POLR2B: variants seen among roughly 807,000 people sequenced by gnomAD.
The protein encoded by POLR2B is RNA polymerase II subunit B, also known as DNA-directed RNA polymerase II subunit RPB2.
A neutral mutation model predicts 144.6 loss-of-function variants in POLR2B; 57 were observed. The ratio of observed to expected loss-of-function variants is 0.39; its 90% confidence interval spans 0.32 to 0.49. POLR2B has a LOEUF of 0.49. Among genes scored for constraint, POLR2B ranks in the 20% least tolerant of loss-of-function variants. POLR2B has a pLI of 0.83. For synonymous variants in POLR2B, 442 were observed against 469.8 expected (o/e 0.94, Z 0.77); for missense variants, 595 against 1,467.4 (o/e 0.41, Z 9.71).
chr4:56,988,968 ATTAT>A (rs1455640154), intron 2 of POLR2B, among the ~76,000 whole-genome samples: 2 of 152,222 alleles, frequency 1.3e-5, no homozygotes, highest in Middle Eastern at 3.2e-3. Context: ...TACAAAATAA[ATTAT>A]TTGATTTTTA....
At chr4:57,029,386 CTTTT>C (rs1454986418) in intron 23 of POLR2B, among the ~76,000 whole-genome samples, 1 of 152,118 alleles carries the variant, frequency 6.6e-6, no homozygotes, top group African/African-American at 2.4e-5. Flanking sequence ...GCTTGATTCT[CTTTT>C]TTTATTTACC....
Position 57,023,338 on chromosome 4 carries a change from C to T in POLR2B, c.2524C>T (p.His842Tyr). ...PTRETCQGMR[H>Y]AIYDKLDDDG... ...TGTCTATTTCCTCACAGGCATGAGG[C>T]ATGCCATTTACGACAAGCTGGATGA... The change falls in exon 19 of 25, where the codon CAT becomes TAT. Residue 842 changes from histidine to tyrosine, a missense_variant. His to Tyr is a moderately conservative substitution (Grantham distance 83). Transcript: ENST00000314595. This position sits in a 1 kb window ranked among gnomAD's most constrained non-coding sequence, Gnocchi z 4.3. 1 of 1,613,914 alleles carries T rather than the reference C, an allele frequency of 6.2e-7. No homozygotes were observed. Among genetic ancestry groups the T allele is most frequent in the Non-Finnish European group, 8.5e-7 (1 of 1,179,854 alleles).
chr4:56,979,896 C>CAAA lies in POLR2B; in HGVS notation c.19+908_19+910dup, dbSNP rs61576956. Among the ~76,000 whole-genome samples, 216 of 137,208 alleles carry CAAA rather than the reference C, an allele frequency of 1.6e-3. 7 individuals are homozygous for CAAA. The South Asian group carries it at 0.022, about 14-fold the overall frequency. The allele number at this position is 137,208 out of a possible 152,430, so 90.0% of individuals were successfully genotyped here. On this transcript the variant is annotated intron_variant, in intron 1 of 24. Transcript: ENST00000314595. ...CCTGAGTGACAGAGTTAGACTGTCTCAAAAAAAAAAAAAAAAAATTCTTAG... is the reference window on the plus strand; with the variant it reads ...CCTGAGTGACAGAGTTAGACTGTCTCAAAAAAAAAAAAAAAAAAAAATTCTTAG...
At chr4:56,988,713 T>C (rs530732397) in intron 2 of POLR2B, among the ~76,000 whole-genome samples, 74 of 152,334 alleles carry the variant, frequency 4.9e-4, no homozygotes, top group Middle Eastern at 6.8e-3. Flanking sequence ...ACAAATTGGC[T>C]GTAGAAGACT....
At chr4:57,002,103 C>CT (rs1336157450) in intron 7 of POLR2B, among the ~76,000 whole-genome samples, 1 of 152,188 alleles carries the variant, frequency 6.6e-6, no homozygotes, top group African/African-American at 2.4e-5. Flanking sequence ...TTACAGCTCA[C>CT]TGCAACCTCG....
intron 2 of POLR2B, among the ~76,000 whole-genome samples, chr4:56,988,549 C>A (rs1161757205): frequency 6.6e-6 from 1 of 152,014 alleles, no homozygotes; most frequent in African/African-American, 2.4e-5. Flanking sequence ...AAAAAGTCAG[C>A]TTTTCATTGT....
At chr4:57,027,855 A>T (rs1205419697) in intron 23 of POLR2B, among the ~76,000 whole-genome samples, 3 of 152,230 alleles carry the variant, frequency 2.0e-5, no homozygotes, top group Non-Finnish European at 4.4e-5. Flanking sequence ...CTTCATTATA[A>T]TAAAAAAATT....
intron 16 of POLR2B, among the ~76,000 whole-genome samples, chr4:57,018,719 A>G (rs1050055809): frequency 6.6e-6 from 1 of 152,200 alleles, no homozygotes; most frequent in African/African-American, 2.4e-5. Flanking sequence ...ATAATTATAG[A>G]TTACTATGAA....
intron 17 of POLR2B, 113 bp downstream of exon 17, chr4:57,021,108 G>A: frequency 1.5e-6 from 1 of 687,588 alleles, no homozygotes; most frequent in Non-Finnish European, 2.6e-6. Context: ...AAAGTGGAAG[G>A]ACTGGTTGAT....
intron 5 of POLR2B, 43 bp downstream of exon 5, chr4:56,994,909 A>G (rs751127947): frequency 8.5e-7 from 1 of 1,182,948 alleles, no homozygotes; most frequent in African/African-American, 1.6e-5. Flanking sequence ...TGGTAGTTAA[A>G]ATTTAGTTTA....
intron 14 of POLR2B, among the ~76,000 whole-genome samples, chr4:57,016,781 C>T (rs1365785894): frequency 6.7e-6 from 1 of 149,710 alleles, no homozygotes; most frequent in Non-Finnish European, 1.5e-5. Context: ...CTCTTCTTCA[C>T]AAGTATATAC....
chr4:56,996,281 T>A (rs1349549983), intron 6 of POLR2B, among the ~76,000 whole-genome samples: 6,859 of 107,608 alleles, frequency 0.064, 382 homozygotes, highest in African/African-American at 0.074. Context: ...TATATATATT[T>A]TTTTTTTTTT....
intron 6 of POLR2B, among the ~76,000 whole-genome samples, chr4:56,999,274 G>T (rs183086428): frequency 6.6e-6 from 1 of 151,012 alleles, no homozygotes; most frequent in Non-Finnish European, 1.5e-5. Flanking sequence ...TTTTTTGGAG[G>T]GGGGATAGGT....
intron 18 of POLR2B, 109 bp downstream of exon 18, chr4:57,022,355 C>A: frequency 1.5e-6 from 1 of 651,616 alleles, no homozygotes; most frequent in Non-Finnish European, 2.8e-6. Flanking sequence ...GTCCTCCTCT[C>A]CCTTTTTTTG....
At chr4:56,980,986 G>C (rs530288611) in intron 1 of POLR2B, among the ~76,000 whole-genome samples, 1 of 151,840 alleles carries the variant, frequency 6.6e-6, no homozygotes, top group South Asian at 2.1e-4. Flanking sequence ...AGTATTTTTA[G>C]TAGAGATGGT....
At chr4:57,005,568 C>T (rs1322174171) in intron 8 of POLR2B, 32 bp from the exon 9 acceptor site, 5 of 1,525,340 alleles carry the variant, frequency 3.3e-6, no homozygotes, top group South Asian at 1.3e-5. Flanking sequence ...AGTGTTTTCC[C>T]TCTTTCTTTC....
At chr4:56,998,029 A>G (rs1260967659) in intron 6 of POLR2B, among the ~76,000 whole-genome samples, 4 of 152,200 alleles carry the variant, frequency 2.6e-5, no homozygotes, top group Non-Finnish European at 4.4e-5. Flanking sequence ...AGACAGAGAA[A>G]GGAAAATGAT....
intron 10 of POLR2B, among the ~76,000 whole-genome samples, chr4:57,008,435 A>G (rs534170440): frequency 2.7e-4 from 41 of 152,164 alleles, no homozygotes; most frequent in Non-Finnish European, 4.9e-4. Flanking sequence ...ATCTCCTGAC[A>G]TCGTGATCTG....
intron 2 of POLR2B, among the ~76,000 whole-genome samples, chr4:56,989,433 G>A (rs1722441899): frequency 6.6e-6 from 1 of 152,204 alleles, no homozygotes. Context: ...ACACATGTGT[G>A]ATTGTCTGCT....
Sources: gnomAD v4.1 joint callset for allele counts (sites outside exome capture counted in the v4.1 genomes callset) on GRCh38, gnomAD v4.1.1 for gene constraint, Gnocchi (gnomAD v3.1) non-coding constraint, MANE v1.5 for transcripts, NCBI Gene and HGNC (gene_info 2026-07-23, HGNC 2026-07-21) for gene names.